CFAP36: variants seen among roughly 807,000 people sequenced by gnomAD.
CFAP36 encodes the protein cilia- and flagella-associated protein 36.
Under a neutral mutation model 50.5 loss-of-function variants are expected in CFAP36, and 37 were observed. The observed-to-expected ratio is 0.73, with a 90% confidence interval of 0.56 to 0.96. The LOEUF (loss-of-function observed/expected upper bound fraction) is 0.96, where lower values mean the gene tolerates loss of function less well. Among genes scored for constraint, CFAP36 ranks in the 50% least tolerant of loss-of-function variants. The pLI is 0.00. For synonymous variants in CFAP36, 138 were observed against 128.2 expected (o/e 1.08, Z -0.52); for missense variants, 407 against 396.2 (o/e 1.03, Z -0.23).
At chr2:55,533,806 G>C (rs946195174) in intron 4 of CFAP36, 67 bp from the exon 5 acceptor site, 4 of 926,688 alleles carry the variant, frequency 4.3e-6, no homozygotes, top group Non-Finnish European at 6.7e-6. Flanking sequence ...TAAGGAACGA[G>C]AACAGTGAGA....
chr2:55,537,745 T>C (rs1684530254), intron 7 of CFAP36, among the ~76,000 whole-genome samples, 160 bp downstream of exon 7: 1 of 152,236 alleles, frequency 6.6e-6, no homozygotes, highest in Non-Finnish European at 1.5e-5. Context: ...TTAAAGAGGT[T>C]GCAGACGAGA....
chr2:55,533,875 G>A lies in CFAP36; in HGVS notation c.400G>A (p.Val134Ile). 6.2e-7 allele frequency: 1 copy of A among 1,604,620 alleles called. No homozygotes were observed. Among genetic ancestry groups the A allele is most frequent in the Non-Finnish European group, 8.5e-7 (1 of 1,174,070 alleles). The change falls in exon 5 of 10, where the codon GTA becomes ATA. Residue 134 changes from valine to isoleucine, a missense_variant and splice_region_variant. By Grantham distance (29) the Val-to-Ile change is conservative. Transcript: ENST00000349456. ...ATGTGGTCTTTGGTTTTGAACAGGT[G>A]TATTACCTGACTGCTTAACCGATGG... Reference protein sequence around the residue: ...AIRIIQERNGVLPDCLTDGSD... With the variant: ...AIRIIQERNGILPDCLTDGSD...
intron 5 of CFAP36, among the ~76,000 whole-genome samples, chr2:55,534,314 T>C (rs2103654490): frequency 6.6e-6 from 1 of 152,296 alleles, no homozygotes; most frequent in South Asian, 2.1e-4. Flanking sequence ...GATCTCACTA[T>C]GGAGGTGGCA....
intron 7 of CFAP36, among the ~76,000 whole-genome samples, chr2:55,541,389 T>A (rs1684635218): frequency 6.6e-6 from 1 of 152,222 alleles, no homozygotes; most frequent in African/African-American, 2.4e-5. Context: ...ATTTCTTTCA[T>A]TAGAATTTTG....
intron 7 of CFAP36, among the ~76,000 whole-genome samples, chr2:55,538,334 G>A (rs1311439783): frequency 6.4e-5 from 8 of 125,924 alleles, no homozygotes; most frequent in Middle Eastern, 4.8e-3. Flanking sequence ...TGCTGTTGTT[G>A]CCCAGGCTAG....
At chr2:55,533,841 T>C (rs1455476877) in intron 4 of CFAP36, 32 bp from the exon 5 acceptor site, 4 of 1,344,380 alleles carry the variant, frequency 3.0e-6, no homozygotes, top group Non-Finnish European at 3.1e-6. Flanking sequence ...ATGGAGTTGA[T>C]ACTATTTCAT....
rs1213297297 is a variant in CFAP36 at position 55,519,915 on chromosome 2, A to G, written c.114A>G (p.Glu38=). The G allele has an allele frequency of 6.2e-7, 1 of 1,614,048 alleles. No homozygotes were observed. Among genetic ancestry groups the G allele is most frequent in the Non-Finnish European group, 8.5e-7 (1 of 1,179,884 alleles). Residue 38 remains glutamate, a splice_region_variant and synonymous_variant, in exon 1 of 10, where the codon GAA becomes GAG. Transcript: ENST00000349456. Reference sequence around the variant, plus strand: ...TGGACTTTGTGGAACAGAAATGTGAAGGTAAAAACCAGAGCCCGAACCGAC... The same window carrying G: ...TGGACTTTGTGGAACAGAAATGTGAGGGTAAAAACCAGAGCCCGAACCGAC... ...PILDFVEQKC[E]VFDDEEESKL... is the part of the protein sequence containing the mutation.
chr2:55,544,309 T>C lies in CFAP36; in HGVS notation c.867T>C (p.Asp289=). Residue 289 remains aspartate (D), a synonymous_variant, in exon 9 of 10, where the codon GAT becomes GAC. Transcript: ENST00000349456. ...KRDKLMSMRK[D]MRTKQIQNME... is the part of the protein sequence containing the mutation. ...ATAAGTTGATGTCCATGAGAAAGGA[T>C]ATGAGGACTAAACAGATACAAAATA... The C allele has an allele frequency of 6.2e-7, 1 of 1,613,818 alleles. No individual in the cohort carries two copies.
Position 55,544,431 on chromosome 2 carries a change from A to G in CFAP36, c.927+62A>G, listed in dbSNP as rs1380657564. On this transcript the variant is annotated intron_variant, in intron 9 of 9. Transcript: ENST00000349456. ...TGGTGGTGGAACTATCAAAATCAGA[A>G]TATGTGCAAGAAAGCCTCTAATAAA... The G allele has an allele frequency of 7.2e-6, 11 of 1,523,788 alleles. No homozygotes were observed. In the South Asian group the frequency reaches 7.8e-5, roughly 11 times the overall value. 94.4% of individuals were successfully genotyped at this position (1,523,788 alleles called of 1,614,324 possible).
chr2:55,541,526 A>G (rs1300272947), intron 7 of CFAP36, among the ~76,000 whole-genome samples: 1 of 152,226 alleles, frequency 6.6e-6, no homozygotes, highest in Non-Finnish European at 1.5e-5. Context: ...CATTACTGGT[A>G]TAAAGGAAAG....
chr2:55,523,676 A>T, intron 2 of CFAP36, 45 bp from the exon 3 acceptor site: 1 of 1,313,350 alleles, frequency 7.6e-7, no homozygotes, highest in Non-Finnish European at 1.1e-6. Context: ...ACTGTCATGT[A>T]GAATTTTTCT....
At position 55,544,217 on chromosome 2, in the gene CFAP36, C is replaced by T; in HGVS notation, c.778-3C>T. The T allele has an allele frequency of 3.1e-6, 5 of 1,611,718 alleles. No homozygotes were observed. The highest frequency in any genetic ancestry group is 4.2e-6 in the Non-Finnish European group (5 of 1,179,498). ...AGATAGCTCCTTTTCTTACTTGACC[C>T]AGAACTTATCAGTACTTGGAACAGA... On this transcript the variant is annotated splice_region_variant and splice_polypyrimidine_tract_variant and intron_variant, in intron 8 of 9. Coordinates refer to ENST00000349456, the MANE Select transcript of CFAP36 (RefSeq NM_080667.7).
At chr2:55,535,583 ATTATCTTCCATCTT>A in intron 5 of CFAP36, 115 bp from the exon 6 acceptor site, 1 of 684,274 alleles carries the variant, frequency 1.5e-6, no homozygotes, top group Non-Finnish European at 2.3e-6. Context: ...GCAAGGCTTG[ATTATCTTCCATCTT>A]TGTGTCTAAT....
Position 55,533,908 on chromosome 2 carries a change from G to A in CFAP36, c.433G>A (p.Val145Met). Residue 145 changes from valine to methionine, a missense_variant, in exon 5 of 10, where the codon GTG becomes ATG. Physicochemically the swap from Val to Met is conservative, Grantham distance 21. Coordinates refer to ENST00000349456, the MANE Select transcript of CFAP36 (RefSeq NM_080667.7). Reference protein sequence around the residue: ...LPDCLTDGSDVVSDLEHEEMK... With the variant: ...LPDCLTDGSDMVSDLEHEEMK... ...TGACTGCTTAACCGATGGCTCTGAT[G>A]TGGTCAGTGACCTTGAACACGAAGA... 1 of 1,611,954 alleles carries A rather than the reference G, an allele frequency of 6.2e-7. No homozygotes were observed. The highest frequency in any genetic ancestry group is 8.5e-7 in the Non-Finnish European group (1 of 1,178,778).
chr2:55,541,311 C>T (rs370744842), intron 7 of CFAP36, among the ~76,000 whole-genome samples: 13 of 152,186 alleles, frequency 8.5e-5, no homozygotes, highest in East Asian at 3.9e-4. Context: ...GCAACAAGAG[C>T]GAAACTTCAT....
intron 7 of CFAP36, among the ~76,000 whole-genome samples, chr2:55,541,603 C>G (rs1684640830): frequency 6.6e-6 from 1 of 152,062 alleles, no homozygotes; most frequent in African/African-American, 2.4e-5. Flanking sequence ...GTTTTTCTGT[C>G]AATTGTTTTG....
At chr2:55,531,551 G>T (rs1684350263) in intron 4 of CFAP36, among the ~76,000 whole-genome samples, 1 of 152,164 alleles carries the variant, frequency 6.6e-6, no homozygotes, top group Non-Finnish European at 1.5e-5. Context: ...ATCTAATCAA[G>T]GACCCCGACA....
At chr2:55,522,662 A>G (rs1274511042) in intron 2 of CFAP36, among the ~76,000 whole-genome samples, 1 of 151,836 alleles carries the variant, frequency 6.6e-6, no homozygotes, top group Non-Finnish European at 1.5e-5. Context: ...ATTTTTTTGT[A>G]TTTTGTAGAG....
chr2:55,529,154 G>C (rs1272595196), intron 4 of CFAP36, among the ~76,000 whole-genome samples, 162 bp downstream of exon 4: 2 of 152,110 alleles, frequency 1.3e-5, no homozygotes, highest in African/African-American at 4.8e-5. Flanking sequence ...GGGTGCAGTG[G>C]CTCACGCCTG....
Sources: gnomAD v4.1 joint callset for allele counts (sites outside exome capture counted in the v4.1 genomes callset) on GRCh38, gnomAD v4.1.1 for gene constraint, MANE v1.5 for transcripts, NCBI Gene and HGNC (gene_info 2026-07-23, HGNC 2026-07-21) for gene names.